The following PAK1IP1 variants were observed in gnomAD, a reference collection of about 807,000 sequenced individuals.
PAK1IP1 encodes the protein PAK1 interacting protein 1.
In PAK1IP1, 24 loss-of-function variants were observed where a neutral mutation model predicts 42.0. That is an observed-to-expected ratio of 0.57 (90% CI 0.41 to 0.80). The LOEUF (loss-of-function observed/expected upper bound fraction) is 0.80. Among genes scored for constraint, PAK1IP1 ranks in the 30% least tolerant of loss-of-function variants. PAK1IP1 has a pLI of 0.00. For synonymous variants in PAK1IP1, 154 were observed against 156.7 expected, an observed-to-expected ratio of 0.98 and a Z score of 0.13; for missense variants, 411 against 467.9, an observed-to-expected ratio of 0.88 and a Z score of 1.12.
intron 2 of PAK1IP1, among the ~76,000 whole-genome samples, chr6:10,700,482 T>G (rs1182118470): frequency 6.6e-6 from 1 of 152,246 alleles, no homozygotes; most frequent in African/African-American, 2.4e-5. Flanking sequence ...GGCAACTAAG[T>G]TTCAGCAAAT....
In PAK1IP1 at chr6:10,709,559, G is replaced by GA. The variant is rs1388214740; in HGVS notation, c.*113dup. On this transcript the variant is annotated 3_prime_UTR_variant, in exon 10 of 10. Transcript: ENST00000379568. ...TAAAAGCAAGAAATTTCTTCCTTTG[G>GA]AAAAAATATATATATTAAAAAACCA... The GA allele has an allele frequency of 4.8e-5, 25 of 524,820 alleles. No homozygotes were observed. The highest frequency in any genetic ancestry group is 1.8e-4 in the Admixed American group (4 of 21,942). 32.5% of individuals were successfully genotyped at this position (524,820 alleles called of 1,614,324 possible). A position where few individuals can be genotyped will look rare whatever the true frequency, so the allele number is the denominator to read the frequency against.
intron 1 of PAK1IP1, 43 bp downstream of exon 1, chr6:10,695,112 G>A: frequency 2.2e-6 from 3 of 1,361,666 alleles, no homozygotes; most frequent in Non-Finnish European, 3.1e-6. Context: ...GCGGGGCCGG[G>A]AAGGTCGGGT....
chr6:10,694,798 C>G, upstream of PAK1IP1: 1 of 552,276 alleles, frequency 1.8e-6, no homozygotes, highest in South Asian at 2.2e-5. Context: ...TTGGAAAATC[C>G]ATGTGACCTC....
intron 5 of PAK1IP1, 48 bp downstream of exon 5, chr6:10,703,505 A>G (rs773138611): frequency 3.6e-6 from 5 of 1,388,182 alleles, no homozygotes; most frequent in Non-Finnish European, 4.0e-6. Context: ...TAATCTGGAA[A>G]TCTGAAATGC....
intron 4 of PAK1IP1, among the ~76,000 whole-genome samples, chr6:10,702,862 G>A (rs559030239): frequency 9.9e-5 from 15 of 151,874 alleles, no homozygotes; most frequent in African/African-American, 3.4e-4. Context: ...GCTGGAGTGC[G>A]GCGGCGTGAT....
chr6:10,697,890 CA>C (rs766236291), intron 2 of PAK1IP1, among the ~76,000 whole-genome samples: 5,284 of 88,322 alleles, frequency 0.06, 223 homozygotes, highest in African/African-American at 0.16. Flanking sequence ...GACTCTGTCT[CA>C]AAAAAAAAAA....
intron 8 of PAK1IP1, among the ~76,000 whole-genome samples, chr6:10,707,944 A>G (rs1258907460): frequency 6.6e-6 from 1 of 151,902 alleles, no homozygotes; most frequent in African/African-American, 2.4e-5. Flanking sequence ...TTGTTCTCTC[A>G]TAAACACATT....
At chr6:10,692,553 GCCTCAC>G (rs1311318404), upstream of PAK1IP1, among the ~76,000 whole-genome samples, 2 of 151,946 alleles carry the variant, frequency 1.3e-5, no homozygotes, top group African/African-American at 4.8e-5. Context: ...CGATTCTCCC[GCCTCAC>G]CCTCCCGAGT....
At chr6:10,703,555 C>T in intron 5 of PAK1IP1, 98 bp downstream of exon 5, 2 of 789,444 alleles carry the variant, frequency 2.5e-6, no homozygotes, top group Non-Finnish European at 4.2e-6. Context: ...TGTGGTGCCT[C>T]AAGTAGAAAA....
Position 10,702,296 on chromosome 6 carries a change from A to G in PAK1IP1, c.248-73A>G, listed in dbSNP as rs186672205. The G allele has an allele frequency of 2.4e-5, 31 of 1,290,596 alleles. No individual in the cohort carries two copies. The East Asian group carries it at 6.2e-4, about 26-fold the overall frequency. 79.9% of individuals were successfully genotyped at this position (1,290,596 alleles called of 1,614,324 possible). On this transcript the variant is annotated intron_variant, in intron 2 of 9. Coordinates refer to ENST00000379568, the MANE Select transcript of PAK1IP1 (RefSeq NM_017906.3). ...TATTGAGTGTTTTACTTAGCATAGC[A>G]TAGCCTTCAAATCAGAAATGGAGTT...
At chr6:10,691,817 G>T (rs1769335112), upstream of PAK1IP1, among the ~76,000 whole-genome samples, 1 of 152,078 alleles carries the variant, frequency 6.6e-6, no homozygotes, top group South Asian at 2.1e-4. Flanking sequence ...TGGTTCCACT[G>T]ATTTCTAAGT....
chr6:10,692,842 G>A (rs773823274), upstream of PAK1IP1, among the ~76,000 whole-genome samples: 1 of 152,186 alleles, frequency 6.6e-6, no homozygotes, highest in African/African-American at 2.4e-5. Context: ...TTTTGGAAGA[G>A]TGAATGAATA....
upstream of PAK1IP1, among the ~76,000 whole-genome samples, chr6:10,693,128 T>G (rs1025491440): frequency 6.6e-6 from 1 of 152,196 alleles, no homozygotes; most frequent in Non-Finnish European, 1.5e-5. Flanking sequence ...CCCAGGCACG[T>G]TCCAGCTCAC....
At chr6:10,694,630 C>CATTAAAAAA, upstream of PAK1IP1, 104 of 198,892 alleles carry the variant, frequency 5.2e-4, no homozygotes, top group South Asian at 2.7e-3. Context: ...CCCACCTCCT[C>CATTAAAAAA]CTGATGTCAC....
chr6:10,694,964 G>A (rs1416093333), upstream of PAK1IP1: 1 of 1,570,798 alleles, frequency 6.4e-7, no homozygotes, highest in Admixed American at 1.7e-5. Flanking sequence ...CGGGCTGGCG[G>A]AAGAGGCACG....
At chr6:10,700,128 G>A (rs912414968) in intron 2 of PAK1IP1, among the ~76,000 whole-genome samples, 8 of 152,016 alleles carry the variant, frequency 5.3e-5, no homozygotes, top group African/African-American at 1.7e-4. Context: ...GCGCGATCTC[G>A]GCTCACTGCA....
Position 10,709,224 on chromosome 6 carries a change from C to T in PAK1IP1, c.965-14C>T, listed in dbSNP as rs764233033. 7.6e-6 allele frequency: 12 copies of T among 1,588,978 alleles called. No individual in the cohort carries two copies. The highest frequency in any genetic ancestry group is 7.4e-5 in the Admixed American group (4 of 54,302). On this transcript the variant is annotated splice_polypyrimidine_tract_variant and intron_variant, in intron 9 of 9. Transcript: ENST00000379568. ...AACAGTCTTTTTTTAAAAGCACTCTCTTTTGTGTTTTAGTAAGTAAAGAAC... is the reference window on the plus strand; with the variant it reads ...AACAGTCTTTTTTTAAAAGCACTCTTTTTTGTGTTTTAGTAAGTAAAGAAC...
intron 7 of PAK1IP1, among the ~76,000 whole-genome samples, chr6:10,706,713 T>C (rs1418391666): frequency 6.6e-6 from 1 of 151,578 alleles, no homozygotes; most frequent in Non-Finnish European, 1.5e-5. Context: ...TGAAACCCCG[T>C]CTCTACTAAA....
In PAK1IP1 at chr6:10,708,920, T is replaced by C. The variant is rs934932837; in HGVS notation, c.841-33T>C. ...TTATGGAAAAAGAAATTATTGAAAATGCACATTATGAATGTTTGTTTCTTC... is the reference window on the plus strand; with the variant it reads ...TTATGGAAAAAGAAATTATTGAAAACGCACATTATGAATGTTTGTTTCTTC... On this transcript the variant is annotated intron_variant, in intron 8 of 9. Coordinates refer to ENST00000379568, the MANE Select transcript of PAK1IP1 (RefSeq NM_017906.3). The C allele has an allele frequency of 2.6e-6, 4 of 1,535,110 alleles. No individual in the cohort carries two copies. The African/African-American group carries it at 5.6e-5, about 21-fold the overall frequency.
Sources: gnomAD v4.1 joint callset for allele counts (sites outside exome capture counted in the v4.1 genomes callset) on GRCh38, gnomAD v4.1.1 for gene constraint, MANE v1.5 for transcripts, NCBI Gene and HGNC (gene_info 2026-07-23, HGNC 2026-07-21) for gene names.